RDH8: variants seen among roughly 807,000 people sequenced by gnomAD.
The protein encoded by RDH8 is photoreceptor outer segment all-trans retinol dehydrogenase.
Under a neutral mutation model 22.3 loss-of-function variants are expected in RDH8, and 14 were observed. That is an observed-to-expected ratio of 0.63 (90% CI 0.42 to 0.98). The LOEUF is 0.98. RDH8 is among the 50% of genes least tolerant of loss of function. The pLI is 0.00. For synonymous variants in RDH8, 175 were observed against 171.7 expected (o/e 1.02, Z -0.15); for missense variants, 389 against 409.8 (o/e 0.95, Z 0.44).
chr19:10,013,664 C>T (rs1266417735), intron 1 of RDH8, 64 bp downstream of exon 1: 3 of 1,537,466 alleles, frequency 2.0e-6, no homozygotes, highest in Non-Finnish European at 2.7e-6. Flanking sequence ...GCACTGTCTC[C>T]CCTACCCATC....
In RDH8 at chr19:10,020,709, G is replaced by C; in HGVS notation, c.443G>C (p.Gly148Ala). Residue 148 changes from glycine to alanine, a missense_variant and splice_region_variant, in exon 4 of 6, where the codon GGT (glycine) becomes GCT (alanine). Physicochemically the swap from Gly to Ala is moderately conservative, Grantham distance 60 (BLOSUM62 0). Coordinates refer to ENST00000591589, the MANE Select transcript of RDH8 (RefSeq NM_015725.4). ...GCTCTCCTCCCTCTGACCCTCACAGGTGTCATCTTCAACGATGTCTATGCA... is the reference window on the plus strand; with the variant it reads ...GCTCTCCTCCCTCTGACCCTCACAGCTGTCATCTTCAACGATGTCTATGCA... ...VVISSVMGLQGVIFNDVYAAS... is the reference protein window; with the variant it reads ...VVISSVMGLQAVIFNDVYAAS... 1 of 1,606,310 alleles carries C rather than the reference G, an allele frequency of 6.2e-7. No individual in the cohort carries two copies. Among genetic ancestry groups the C allele is most frequent in the South Asian group, 1.1e-5 (1 of 89,962 alleles).
In RDH8 at chr19:10,021,866, C is replaced by T. The variant is rs1443657249; in HGVS notation, c.*117C>T. The T allele has an allele frequency of 1.6e-5, 17 of 1,076,836 alleles. No individual in the cohort carries two copies. Among genetic ancestry groups the T allele is most frequent in the Non-Finnish European group, 2.3e-5 (17 of 749,944 alleles). 66.7% of individuals were successfully genotyped at this position (1,076,836 alleles called of 1,614,324 possible). On this transcript the variant is annotated 3_prime_UTR_variant, in exon 6 of 6. Coordinates refer to ENST00000591589, the MANE Select transcript of RDH8 (RefSeq NM_015725.4). ...CATTCTGCAAACTCCCCCTCCCCTC[C>T]TCTGTGCCTAGACATGGCTAGAATC...
At chr19:10,014,811 A>G (rs2145163764) in intron 1 of RDH8, among the ~76,000 whole-genome samples, 1 of 152,298 alleles carries the variant, frequency 6.6e-6, no homozygotes, top group East Asian at 1.9e-4. Context: ...TGCTGGGATT[A>G]CAGGCATGAG....
At chr19:10,020,349 G>GGAGGGAGA in intron 3 of RDH8, among the ~76,000 whole-genome samples, 1 of 144,860 alleles carries the variant, frequency 6.9e-6, no homozygotes. Flanking sequence ...AAGGAGGGAG[G>GGAGGGAGA]GAGGGAGGGA....
chr19:10,014,599 G>A (rs2087595242), intron 1 of RDH8, among the ~76,000 whole-genome samples: 1 of 152,000 alleles, frequency 6.6e-6, no homozygotes, highest in Admixed American at 6.6e-5. Flanking sequence ...GAGTGCAGTG[G>A]TGCATCTTGG....
At chr19:10,015,345 C>T (rs542396948) in intron 1 of RDH8, among the ~76,000 whole-genome samples, 7 of 151,680 alleles carry the variant, frequency 4.6e-5, no homozygotes, top group South Asian at 2.1e-4. Context: ...CCCAGCTATT[C>T]GGGAGGCTGA....
Position 10,021,411 on chromosome 19 carries a change from G to A in RDH8, c.693G>A (p.Val231=). The part of the protein sequence containing the change: ...LPASRKLFCS[V]GQNPQDVVQA... ...CCTCCAGGAAGCTGTTTTGCTCCGT[G>A]GGACAGAACCCACAGGACGTGGTTC... Residue 231 remains valine (V), a synonymous_variant, in exon 5 of 6, where the codon GTG becomes GTA. Coordinates refer to ENST00000591589, the MANE Select transcript of RDH8 (RefSeq NM_015725.4). 2 of 1,614,032 alleles carry A rather than the reference G, an allele frequency of 1.2e-6. No homozygotes were observed. The highest frequency in any genetic ancestry group is 2.2e-5 in the South Asian group (2 of 91,076).
Position 10,021,592 on chromosome 19 carries a change from G to T in RDH8, c.779G>T (p.Arg260Leu). The change falls in exon 6 of 6, where the codon CGC becomes CTC. Residue 260 changes from arginine (R) to leucine (L), a missense_variant. Transcript: ENST00000591589. ...RPPLRRQTNIRYSPLTTLKTV... is the reference protein window; with the variant it reads ...RPPLRRQTNILYSPLTTLKTV... The stretch of plus-strand genomic sequence containing the variant: ...CCCCTGCGCCGACAGACCAACATCC[G>T]CTACTCGCCGCTGACCACGCTCAAA... 6.2e-7 allele frequency: 1 copy of T among 1,614,126 alleles called. No individual in the cohort carries two copies. The highest frequency in any genetic ancestry group is 8.5e-7 in the Non-Finnish European group (1 of 1,180,022).
chr19:10,018,763 C>G lies in RDH8; in HGVS notation c.295C>G (p.Leu99Val). ...TGCTGGAATGGGCCTGGTGGGGCCC[C>G]TGGAGGGGCTCAGCCTTGCTGCCAT... ...NNAGMGLVGP[L>V]EGLSLAAMQN... Residue 99 changes from leucine to valine, a missense_variant, in exon 3 of 6, where the codon CTG becomes GTG. Coordinates refer to ENST00000591589, the MANE Select transcript of RDH8 (RefSeq NM_015725.4). The G allele has an allele frequency of 6.2e-7, 1 of 1,612,754 alleles. No homozygotes were observed. Among genetic ancestry groups the G allele is most frequent in the Non-Finnish European group, 8.5e-7 (1 of 1,179,130 alleles).
At chr19:10,017,631 G>A (rs2087629278) in intron 2 of RDH8, among the ~76,000 whole-genome samples, 1 of 152,158 alleles carries the variant, frequency 6.6e-6, no homozygotes, top group Non-Finnish European at 1.5e-5. Flanking sequence ...TGGGGAGACA[G>A]AGTAAGACCT....
At chr19:10,020,653 C>T in intron 3 of RDH8, 56 bp from the exon 4 acceptor site, 9 of 1,164,716 alleles carry the variant, frequency 7.7e-6, no homozygotes, top group Non-Finnish European at 1.0e-5. Flanking sequence ...ACCCTGGAAC[C>T]CACAAAGCCC....
chr19:10,017,353 C>A, intron 2 of RDH8, 138 bp downstream of exon 2: 1 of 870,892 alleles, frequency 1.1e-6, no homozygotes, highest in Non-Finnish European at 1.6e-6. Flanking sequence ...GACCAGTTGG[C>A]CAAGAGGGGT....
chr19:10,017,243 A>C, intron 2 of RDH8, 28 bp downstream of exon 2: 1 of 1,553,118 alleles, frequency 6.4e-7, no homozygotes, highest in South Asian at 1.2e-5. Flanking sequence ...CTGATTCACT[A>C]AGCCCCATCC....
intron 2 of RDH8, 132 bp from the exon 3 acceptor site, chr19:10,018,599 T>G: frequency 3.0e-6 from 2 of 656,908 alleles, no homozygotes; most frequent in Non-Finnish European, 5.2e-6. Flanking sequence ...CAAGGTTTCA[T>G]ATTTGTCCAC....
chr19:10,016,789 G>A (rs575463375), intron 1 of RDH8, among the ~76,000 whole-genome samples: 60 of 152,222 alleles, frequency 3.9e-4, no homozygotes, highest in African/African-American at 1.3e-3. Context: ...CTTATTTCAT[G>A]CCATAGCCTC....
chr19:10,016,318 T>C (rs1398125565), intron 1 of RDH8, among the ~76,000 whole-genome samples: 1 of 149,114 alleles, frequency 6.7e-6, no homozygotes, highest in Non-Finnish European at 1.5e-5. Context: ...GGCTAATTTT[T>C]TTTTTTTTTT....
chr19:10,018,007 G>A (rs8103595), intron 2 of RDH8, among the ~76,000 whole-genome samples: 77,887 of 151,348 alleles, frequency 0.51, 20,350 homozygotes, highest in South Asian at 0.68. Context: ...GTGCAATGGC[G>A]CAATCTCAGC....
intron 2 of RDH8, among the ~76,000 whole-genome samples, chr19:10,018,438 C>T (rs1439999739): frequency 1.3e-5 from 2 of 152,090 alleles, no homozygotes; most frequent in Admixed American, 6.6e-5. Context: ...CCCTAACCTT[C>T]GCAGGAAGGT....
chr19:10,018,596 T>C (rs1409089309), intron 2 of RDH8, 135 bp from the exon 3 acceptor site: 10 of 643,618 alleles, frequency 1.6e-5, no homozygotes, highest in Non-Finnish European at 2.4e-5. Context: ...TACCAAGGTT[T>C]CATATTTGTC....
Sources: allele counts gnomAD v4.1 joint callset (sites outside exome capture counted in the v4.1 genomes callset), GRCh38; gene constraint gnomAD v4.1.1; transcripts MANE v1.5; gene names NCBI Gene and HGNC (gene_info 2026-07-23, HGNC 2026-07-21).